The following MPRIP variants were observed in gnomAD, a reference collection of about 807,000 sequenced individuals.
The protein encoded by MPRIP is myosin phosphatase Rho interacting protein.
Under a neutral mutation model 234.9 loss-of-function variants are expected in MPRIP, and 59 were observed. The observed-to-expected ratio is 0.25, with a 90% CI of 0.20 to 0.31. The LOEUF (loss-of-function observed/expected upper bound fraction) is 0.31. MPRIP is among the 10% of genes least tolerant of loss of function. The pLI, the probability that MPRIP is intolerant of heterozygous loss-of-function variation, is 1.00. For missense variants in MPRIP, 2,436 were observed against 3,071.0 expected, an observed-to-expected ratio of 0.79 and a Z score of 4.89; for synonymous variants, 1,144 against 1,263.9, an observed-to-expected ratio of 0.91 and a Z score of 2.01.
At chr17:17,178,398 A>G (rs1052758391) in intron 22 of MPRIP, 1 of 152,210 alleles carries the variant, frequency 6.6e-6, no homozygotes, top group African/African-American at 2.4e-5. Flanking sequence ...TCATTTTTCC[A>G]TAAATACCTT....
At position 17,164,542 on chromosome 17, in the gene MPRIP, G is replaced by A. The variant is rs1420539519; in HGVS notation, c.2951G>A (p.Arg984Gln). ...CTGGAGACACAGCAGGCGCTGCAGC[G>A]GGACCGGCAGAAGGAGGTCCAGAGG... is the stretch of plus-strand genomic sequence containing the variant. ...RGLETQQALQRDRQKEVQRLQ... is the reference protein window; with the variant it reads ...RGLETQQALQQDRQKEVQRLQ... Residue 984 changes from arginine (R) to glutamine (Q), a missense_variant, in exon 16 of 24, where the codon CGG becomes CAG. By Grantham distance (43) the Arg-to-Gln change is conservative (BLOSUM62 1). This residue lies in a region of MPRIP where 1,998 missense variants were observed against 2,520.3 expected (regional missense o/e 0.79). Transcript: ENST00000651222. The A allele has an allele frequency of 6.6e-6, 8 of 1,208,754 alleles. No homozygotes were observed. Among genetic ancestry groups the A allele is most frequent in the African/African-American group, 6.4e-5 (4 of 62,620 alleles). The allele number at this position is 1,208,754 out of a possible 1,614,324, so 74.9% of individuals were successfully genotyped here.
At chr17:17,086,496 C>A (rs2089594358) in intron 3 of MPRIP, among the ~76,000 whole-genome samples, 1 of 152,202 alleles carries the variant, frequency 6.6e-6, no homozygotes, top group Non-Finnish European at 1.5e-5. Flanking sequence ...CTGTGCGATG[C>A]TCTTTTCAGC....
chr17:17,153,774 C>G (rs138798713), intron 12 of MPRIP, among the ~76,000 whole-genome samples: 2 of 152,116 alleles, frequency 1.3e-5, no homozygotes, highest in Admixed American at 6.5e-5. Context: ...CAGCAGGTCT[C>G]CCTGCCTTTT....
intron 3 of MPRIP, among the ~76,000 whole-genome samples, chr17:17,118,444 C>T (rs1021144359): frequency 6.6e-6 from 1 of 152,138 alleles, no homozygotes; most frequent in Non-Finnish European, 1.5e-5. Context: ...GCTCCCTTCC[C>T]AAGGAGGTGA....
chr17:17,155,742 C>G (rs2144581896), intron 13 of MPRIP, among the ~76,000 whole-genome samples: 1 of 152,392 alleles, frequency 6.6e-6, no homozygotes, highest in South Asian at 2.1e-4. Context: ...TGCCCTCTGT[C>G]TCTCAGGATC....
chr17:17,148,226 G>A (rs1293875257), intron 11 of MPRIP, among the ~76,000 whole-genome samples: 3 of 152,242 alleles, frequency 2.0e-5, no homozygotes, highest in East Asian at 1.9e-4. Context: ...CGTTGGGGAA[G>A]TAAGGAGCCT....
intron 1 of MPRIP, among the ~76,000 whole-genome samples, chr17:17,072,422 C>T (rs2089218600): frequency 6.6e-6 from 1 of 152,214 alleles, no homozygotes; most frequent in Admixed American, 6.5e-5. Flanking sequence ...AGACCCCATC[C>T]CTGCCTTCCT....
intron 21 of MPRIP, among the ~76,000 whole-genome samples, chr17:17,176,912 C>T (rs1024452344): frequency 1.3e-5 from 2 of 152,220 alleles, no homozygotes; most frequent in African/African-American, 4.8e-5. Context: ...CCTAGGGAAT[C>T]TAGGACACAG....
chr17:17,094,832 A>G (rs2144171361), intron 3 of MPRIP, among the ~76,000 whole-genome samples: 1 of 152,090 alleles, frequency 6.6e-6, no homozygotes, highest in East Asian at 1.9e-4. Flanking sequence ...GGCCAGCCTC[A>G]AGCTCCTGGA....
chr17:17,136,530 G>A (rs1489947754), intron 6 of MPRIP, 80 bp downstream of exon 6: 4 of 1,375,716 alleles, frequency 2.9e-6, no homozygotes, highest in African/African-American at 1.4e-5. Context: ...ATTCAGCCAA[G>A]GCCTGTAGAG....
chr17:17,098,620 G>C (rs2089898903), intron 3 of MPRIP, among the ~76,000 whole-genome samples: 1 of 152,208 alleles, frequency 6.6e-6, no homozygotes, highest in African/African-American at 2.4e-5. Context: ...AAGGGGAAAA[G>C]AGCAAGAACC....
chr17:17,153,890 G>A (rs947642510), intron 12 of MPRIP, among the ~76,000 whole-genome samples: 3 of 151,876 alleles, frequency 2.0e-5, no homozygotes, highest in Non-Finnish European at 4.4e-5. Context: ...CACTCCCCAC[G>A]CCCAACACAC....
chr17:17,175,462 C>T (rs777437462), intron 20 of MPRIP, 50 bp downstream of exon 20: 8 of 1,522,096 alleles, frequency 5.3e-6, no homozygotes, highest in Non-Finnish European at 7.1e-6. Context: ...ACCCAGGAAC[C>T]CCAGGGGAGT....
At chr17:17,088,448 A>G (rs562974099) in intron 3 of MPRIP, among the ~76,000 whole-genome samples, 1 of 152,372 alleles carries the variant, frequency 6.6e-6, no homozygotes, top group Admixed American at 6.5e-5. Flanking sequence ...ATTAAGTAAG[A>G]GCGGGGAAAG....
intron 1 of MPRIP, among the ~76,000 whole-genome samples, chr17:17,054,652 G>T (rs574521661): frequency 1.3e-5 from 2 of 151,714 alleles, no homozygotes; most frequent in Non-Finnish European, 2.9e-5. Flanking sequence ...CAGGCAGTGG[G>T]TGCAGGAATT....
chr17:17,101,608 T>A (rs188066376), intron 3 of MPRIP, among the ~76,000 whole-genome samples: 2,866 of 149,424 alleles, frequency 0.019, 32 homozygotes, highest in Non-Finnish European at 0.03. Flanking sequence ...ACAAAAAAAA[T>A]ATATATATAG....
intron 23 of MPRIP, among the ~76,000 whole-genome samples, chr17:17,181,226 C>G (rs2046368815): frequency 6.6e-6 from 1 of 152,070 alleles, no homozygotes; most frequent in African/African-American, 2.4e-5. Flanking sequence ...AAGCTTCTCA[C>G]TAGGTGCCAT....
Position 17,136,554 on chromosome 17 carries a change from C to T in MPRIP, c.736+104C>T, listed in dbSNP as rs575038745. 2.0e-5 allele frequency: 22 copies of T among 1,109,772 alleles called. No homozygotes were observed. In the East Asian group the frequency reaches 4.4e-4, roughly 22 times the overall value. The allele number at this position is 1,109,772 out of a possible 1,614,324, so 68.7% of individuals were successfully genotyped here. On this transcript the variant is annotated intron_variant, in intron 6 of 23. Transcript: ENST00000651222. Reference sequence around the variant, plus strand: ...AGGCCTGTAGAGCCCAGTCGCAAGCCTGGACCTCGATTCCCTTTGTCCATC... The same window carrying T: ...AGGCCTGTAGAGCCCAGTCGCAAGCTTGGACCTCGATTCCCTTTGTCCATC...
intron 3 of MPRIP, among the ~76,000 whole-genome samples, chr17:17,090,652 G>A (rs2089693697): frequency 6.6e-6 from 1 of 152,222 alleles, no homozygotes; most frequent in South Asian, 2.1e-4. Context: ...TGTGATCAGT[G>A]TAGAGGTAAA....
Sources: allele counts gnomAD v4.1 joint callset (sites outside exome capture counted in the v4.1 genomes callset), GRCh38; gene constraint gnomAD v4.1.1; regional missense constraint gnomAD v4.1.1; transcripts MANE v1.5; gene names NCBI Gene and HGNC (gene_info 2026-07-23, HGNC 2026-07-21).